ATXN2: variants seen among roughly 807,000 people sequenced by gnomAD.
The protein encoded by ATXN2 is ataxin 2.
ATXN2 carries 37 observed loss-of-function variants against 138.6 expected under a neutral mutation model. The observed-to-expected ratio is 0.27, with a 90% CI of 0.21 to 0.35. The LOEUF (loss-of-function observed/expected upper bound fraction) is 0.35, where lower values mean the gene tolerates loss of function less well. ATXN2 is among the 10% of genes least tolerant of loss of function. The pLI is 1.00. For synonymous variants in ATXN2, 549 were observed against 543.7 expected (o/e 1.01, Z -0.13); for missense variants, 1,216 against 1,480.3 (o/e 0.82, Z 2.93).
intron 5 of ATXN2, among the ~76,000 whole-genome samples, chr12:111,544,704 G>T (rs1592884907): frequency 3.3e-5 from 5 of 152,186 alleles, no homozygotes; most frequent in South Asian, 4.1e-4. Flanking sequence ...GGGAAGGAAT[G>T]ATCAATAAAC....
chr12:111,555,983 A>T, intron 1 of ATXN2, 64 bp from the exon 2 acceptor site: 1 of 1,279,574 alleles, frequency 7.8e-7, no homozygotes, highest in East Asian at 2.6e-5. Flanking sequence ...AAATATTTCC[A>T]AACTTAAAAT....
chr12:111,591,601 C>G (rs1163204811), intron 1 of ATXN2, among the ~76,000 whole-genome samples: 1 of 152,200 alleles, frequency 6.6e-6, no homozygotes, highest in East Asian at 1.9e-4. Flanking sequence ...TAGATTGAGG[C>G]TGCACTCCAG....
chr12:111,566,502 T>A (rs1043200010), intron 1 of ATXN2, among the ~76,000 whole-genome samples: 14 of 151,764 alleles, frequency 9.2e-5, no homozygotes, highest in Admixed American at 9.2e-4. Flanking sequence ...TTCATAGCCA[T>A]TCTCTGATGG....
chr12:111,452,649 T>C lies in ATXN2; in HGVS notation c.*163A>G, dbSNP rs1874740191. 3.7e-6 allele frequency: 3 copies of C among 810,808 alleles called. No homozygotes were observed. The Admixed American group carries it at 6.7e-5, about 18-fold the overall frequency. The allele number at this position is 810,808 out of a possible 1,614,324, so 50.2% of individuals were successfully genotyped here. Reference sequence around the variant, plus strand: ...ATGCCTCTACTCGGTCCAAGTATCTTCCACTGCAAGTGAACTGTTAGCATT... The same window carrying C: ...ATGCCTCTACTCGGTCCAAGTATCTCCCACTGCAAGTGAACTGTTAGCATT... On this transcript the variant is annotated 3_prime_UTR_variant, in exon 25 of 25. Coordinates refer to ENST00000673436, the MANE Select transcript of ATXN2 (RefSeq NM_001372574.1).
In ATXN2 at chr12:111,555,834, A is replaced by T. The variant is rs561696791; in HGVS notation, c.288+49T>A. ...GGCATTTGGTCTGTGGTTAGAGATC[A>T]TGTTTTAGCTACTAATTTTCCCCAA... On this transcript the variant is annotated intron_variant, in intron 2 of 24. Transcript: ENST00000673436. 1.3e-5 allele frequency: 20 copies of T among 1,491,542 alleles called. No individual in the cohort carries two copies. In the African/African-American group the frequency reaches 2.6e-4, roughly 19 times the overall value. 92.4% of individuals were successfully genotyped at this position (1,491,542 alleles called of 1,614,324 possible).
rs1268803618 is a variant in ATXN2, at chr12:111,562,748, T to C, written c.252-6829A>G. On this transcript the variant is annotated intron_variant, in intron 1 of 24. Coordinates refer to ENST00000673436, the MANE Select transcript of ATXN2 (RefSeq NM_001372574.1). Reference sequence around the variant, plus strand: ...AAAAAAAAAAAAAAAAAAAAAAATGTAGACAGAATGATGGAAGAAAAGGGC... The same window carrying C: ...AAAAAAAAAAAAAAAAAAAAAAATGCAGACAGAATGATGGAAGAAAAGGGC... 3.6e-5 allele frequency among the ~76,000 whole-genome samples: 5 copies of C among 140,660 alleles called. 1 individual carries two copies. 92.3% of individuals were successfully genotyped at this position (140,660 alleles called of 152,430 possible).
chr12:111,492,664 A>G (rs1878119809), intron 14 of ATXN2, among the ~76,000 whole-genome samples: 1 of 151,982 alleles, frequency 6.6e-6, no homozygotes, highest in Non-Finnish European at 1.5e-5. Context: ...CCTGGGCGAC[A>G]GAGCGAGACT....
In ATXN2 at chr12:111,599,298, C is replaced by CGGAGGGAGGCGAGCTCTGCCG; in HGVS notation, c.-265_-264insCGGCAGAGCTCGCCTCCCTCC. On this transcript the variant is annotated 5_prime_UTR_variant, in exon 1 of 25. Transcript: ENST00000673436. ...CCGTTGCTACCAAAACAGTCTGAGGCGGAGGGAGGCGAGCTCTGCCGGGAG... is the reference window on the plus strand; with the variant it reads ...CCGTTGCTACCAAAACAGTCTGAGGCGGAGGGAGGCGAGCTCTGCCGGGAGGGAGGCGAGCTCTGCCGGGAG... 2 of 896,034 alleles carry CGGAGGGAGGCGAGCTCTGCCG rather than the reference C, an allele frequency of 2.2e-6. No individual in the cohort carries two copies. Among genetic ancestry groups the CGGAGGGAGGCGAGCTCTGCCG allele is most frequent in the African/African-American group, 6.1e-5 (2 of 32,544 alleles). 55.5% of individuals were successfully genotyped at this position (896,034 alleles called of 1,614,324 possible).
intron 18 of ATXN2, among the ~76,000 whole-genome samples, chr12:111,484,285 C>CTTT (rs771539297): frequency 7.0e-6 from 1 of 142,216 alleles, no homozygotes; most frequent in Non-Finnish European, 1.6e-5. Context: ...TTGGAATTAA[C>CTTT]TTTTTTTTTT....
chr12:111,470,630 T>G lies in ATXN2; in HGVS notation c.2637A>C (p.Gln879His), dbSNP rs779500115. ...IAATPPAYST[Q>H]YVAYSPQQFP... The stretch of plus-strand genomic sequence containing the variant: ...ACTGCTGAGGACTGTAGGCAACATA[T>G]TGCGTGGAGTAAGCTGGTGGGGTGG... The change falls in exon 19 of 25, where the codon CAA becomes CAC. Residue 879 changes from glutamine (Q) to histidine (H), a missense_variant. This residue lies in a region of ATXN2 where 490 missense variants were observed against 653.5 expected (regional missense o/e 0.75). Transcript: ENST00000673436. The G allele has an allele frequency of 1.2e-6, 2 of 1,614,114 alleles. No homozygotes were observed. The highest frequency in any genetic ancestry group is 2.2e-5 in the South Asian group (2 of 91,076).
intron 5 of ATXN2, among the ~76,000 whole-genome samples, chr12:111,532,938 C>A (rs555670623): frequency 2.0e-5 from 3 of 152,106 alleles, no homozygotes; most frequent in South Asian, 4.1e-4. Flanking sequence ...AATCAGCCCC[C>A]CAGTGGGACT....
At chr12:111,557,862 C>T (rs574034672) in intron 1 of ATXN2, among the ~76,000 whole-genome samples, 2 of 152,086 alleles carry the variant, frequency 1.3e-5, no homozygotes, top group South Asian at 2.1e-4. Context: ...TTACTTAGAA[C>T]GATGATCTGG....
chr12:111,531,873 T>C (rs1223969433), intron 5 of ATXN2, among the ~76,000 whole-genome samples: 2 of 152,214 alleles, frequency 1.3e-5, no homozygotes, highest in South Asian at 4.1e-4. Context: ...GTATTCAGAA[T>C]GTACTTAAAT....
intron 1 of ATXN2, among the ~76,000 whole-genome samples, chr12:111,589,905 C>G (rs1884563003): frequency 6.6e-6 from 1 of 151,780 alleles, no homozygotes; most frequent in Non-Finnish European, 1.5e-5. Context: ...GGTGACAGAG[C>G]TAGAACCTGT....
chr12:111,542,581 C>T (rs1881580311), intron 5 of ATXN2, among the ~76,000 whole-genome samples: 1 of 152,322 alleles, frequency 6.6e-6, no homozygotes, highest in East Asian at 1.9e-4. Context: ...AACCTCTCAC[C>T]TCAGCCCACC....
rs1283335977 is a variant in ATXN2, at chr12:111,457,366, T to G, written c.2897-7A>C. On this transcript the variant is annotated splice_polypyrimidine_tract_variant and splice_region_variant and intron_variant, in intron 21 of 24. Transcript: ENST00000673436. The stretch of plus-strand genomic sequence containing the variant: ...GCAAGGGAGCCCGTGGAAACTAAAG[T>G]GAAAGAAAAAGGAGCATGTACACAA... 1 of 1,602,412 alleles carries G rather than the reference T, an allele frequency of 6.2e-7. No individual in the cohort carries two copies. Among genetic ancestry groups the G allele is most frequent in the Non-Finnish European group, 8.5e-7 (1 of 1,174,922 alleles).
chr12:111,509,121 T>C (rs143337059), intron 14 of ATXN2, among the ~76,000 whole-genome samples: 85 of 152,280 alleles, frequency 5.6e-4, no homozygotes, highest in African/African-American at 2.0e-3. Context: ...AGAGAAATAA[T>C]GTTACAGAAA....
In ATXN2 at chr12:111,516,250, T is replaced by TG; in HGVS notation, c.1278dup (p.Arg427GlnfsTer27). On this transcript the variant is annotated frameshift_variant, in exon 10 of 25. Coordinates refer to ENST00000673436, the MANE Select transcript of ATXN2 (RefSeq NM_001372574.1). LOFTEE classifies it high-confidence loss of function. This position sits in a 1 kb window ranked among gnomAD's most constrained non-coding sequence, Gnocchi z 5.0. ...GGTCTGGATGGCCGCGAGGGGGGCC[T>TG]GGAGGGCGGCCGTGTAGGGGTGGCT... is the stretch of plus-strand genomic sequence containing the variant. 6.4e-7 allele frequency: 1 copy of TG among 1,567,960 alleles called. No individual in the cohort carries two copies. The highest frequency in any genetic ancestry group is 8.6e-7 in the Non-Finnish European group (1 of 1,163,270).
chr12:111,587,989 T>A (rs1011162489), intron 1 of ATXN2, among the ~76,000 whole-genome samples: 1 of 151,302 alleles, frequency 6.6e-6, no homozygotes, highest in Non-Finnish European at 1.5e-5. Flanking sequence ...AGGCCATGAG[T>A]TCAAGATCAA....
Sources: allele counts gnomAD v4.1 joint callset (sites outside exome capture counted in the v4.1 genomes callset), GRCh38; gene constraint gnomAD v4.1.1; regional missense constraint gnomAD v4.1.1; non-coding constraint Gnocchi (gnomAD v3.1); transcripts MANE v1.5; gene names NCBI Gene and HGNC (gene_info 2026-07-23, HGNC 2026-07-21).